Variants in TIAM1 observed in about 807,000 individuals in gnomAD.
The protein encoded by TIAM1 is TIAM Rac1 associated GEF 1.
TIAM1 carries 65 observed loss-of-function variants against 163.5 expected under a neutral mutation model. The ratio of observed to expected loss-of-function variants is 0.40; its 90% confidence interval spans 0.33 to 0.49. The LOEUF (loss-of-function observed/expected upper bound fraction) is 0.49, where lower values mean the gene tolerates loss of function less well. Ranked by LOEUF, TIAM1 falls within the 20% of genes least tolerant of loss-of-function variation. TIAM1 has a pLI of 0.77. For synonymous variants in TIAM1, 833 were observed against 810.1 expected (o/e 1.03, Z -0.48); for missense variants, 1,789 against 2,044.7 (o/e 0.87, Z 2.41).
rs1328892871 is a variant in TIAM1 at position 31,395,716 on chromosome 21, C to A, written c.-368-56294G>T. ...TCTTGGGGAGGGGGCGCATGCGTTC[C>A]CCTGGCTGTCGCGTGAAAATTTTTG... On this transcript the variant is annotated intron_variant, in intron 2 of 28. Coordinates refer to the TIAM1 transcript ENST00000286827. This position sits in a 1 kb window ranked among gnomAD's most constrained non-coding sequence, Gnocchi z 7.5. 6.6e-6 allele frequency among the ~76,000 whole-genome samples: 1 copy of A among 152,024 alleles called. No individual in the cohort carries two copies. Among genetic ancestry groups the A allele is most frequent in the Non-Finnish European group, 1.5e-5 (1 of 68,006 alleles).
At chr21:31,152,574 C>T (rs1035254744) in intron 19 of TIAM1, 62 bp downstream of exon 19, 51 of 1,597,482 alleles carry the variant, frequency 3.2e-5, no homozygotes, top group Middle Eastern at 3.4e-4. Context: ...TCAACACGAT[C>T]AGGGGATTCA....
chr21:31,362,268 G>A (rs1216111111), intron 2 of TIAM1, among the ~76,000 whole-genome samples: 5 of 151,964 alleles, frequency 3.3e-5, no homozygotes, highest in Non-Finnish European at 5.9e-5. Flanking sequence ...TCTCTCTGGT[G>A]TCACTGGACT....
At chr21:31,497,989 G>A (rs2046722007) in intron 1 of TIAM1, among the ~76,000 whole-genome samples, 2 of 152,194 alleles carry the variant, frequency 1.3e-5, no homozygotes, top group Admixed American at 6.5e-5. Context: ...AGCTGATATT[G>A]CTGGTTCTGT....
At chr21:31,548,738 C>T (rs1485562426) in intron 1 of TIAM1, among the ~76,000 whole-genome samples, 2 of 151,990 alleles carry the variant, frequency 1.3e-5, no homozygotes, top group African/African-American at 4.8e-5. Context: ...ATCCACCCAC[C>T]TCAGCCTCCC....
intron 1 of TIAM1, among the ~76,000 whole-genome samples, chr21:31,549,315 C>T (rs1003215671): frequency 1.3e-5 from 2 of 152,122 alleles, no homozygotes; most frequent in African/African-American, 4.8e-5. Context: ...ACTAAGTAAA[C>T]ATTTTTTATT....
chr21:31,410,987 G>A (rs1011876219), intron 2 of TIAM1, among the ~76,000 whole-genome samples: 12 of 152,174 alleles, frequency 7.9e-5, no homozygotes, highest in African/African-American at 2.2e-4. Context: ...GTTACATCAC[G>A]GCCACAAGGC....
chr21:31,154,968 C>A (rs1409742168), intron 16 of TIAM1, among the ~76,000 whole-genome samples: 2 of 152,218 alleles, frequency 1.3e-5, no homozygotes, highest in Admixed American at 6.5e-5. Context: ...AAAATGGACA[C>A]TGAGTCAACT....
At chr21:31,496,862 T>TG (rs2046676290) in intron 1 of TIAM1, among the ~76,000 whole-genome samples, 1 of 151,118 alleles carries the variant, frequency 6.6e-6, no homozygotes, top group African/African-American at 2.4e-5. Context: ...TGGACTGGGG[T>TG]GGGGGGTCGG....
chr21:31,331,750 T>C (rs1265302983), intron 2 of TIAM1, among the ~76,000 whole-genome samples: 1 of 152,202 alleles, frequency 6.6e-6, no homozygotes, highest in Non-Finnish European at 1.5e-5. Context: ...GAAAGAGGGC[T>C]GGCAAGGAAG....
chr21:31,226,013 C>G, intron 6 of TIAM1, 63 bp from the exon 7 acceptor site: 1 of 1,461,996 alleles, frequency 6.8e-7, no homozygotes, highest in Non-Finnish European at 9.4e-7. Flanking sequence ...AGAAATGAAC[C>G]GGAGCATTTC....
rs1310019250 is a variant in TIAM1 at position 31,154,421 on chromosome 21, T to C, written c.2997A>G (p.Thr999=). ...SDETDHSSKS[T]EQVAAFCRSL... ...TGCGGCAAAATGCGGCCACCTGTTC[T>C]GTACTCTTCGGAGCACAGGGGGGAA... The change falls in exon 17 of 28, where the codon ACA becomes ACG. Residue 999 remains threonine (T), a synonymous_variant. Coordinates refer to ENST00000541036, the MANE Select transcript of TIAM1 (RefSeq NM_001353694.2). The C allele has an allele frequency of 2.5e-6, 4 of 1,613,450 alleles. No individual in the cohort carries two copies. The African/African-American group carries it at 5.3e-5, about 22-fold the overall frequency.
At chr21:31,489,787 G>C (rs931476441) in intron 1 of TIAM1, among the ~76,000 whole-genome samples, 1 of 152,142 alleles carries the variant, frequency 6.6e-6, no homozygotes, top group Non-Finnish European at 1.5e-5. Context: ...GAGAGCCCTG[G>C]AGGGGAAGGT....
At chr21:31,301,632 G>A (rs2074504151) in intron 2 of TIAM1, among the ~76,000 whole-genome samples, 1 of 152,128 alleles carries the variant, frequency 6.6e-6, no homozygotes, top group Non-Finnish European at 1.5e-5. Context: ...CTGAGGTCAG[G>A]AGTTCGAGAC....
intron 2 of TIAM1, among the ~76,000 whole-genome samples, chr21:31,404,970 TA>T (rs776581329): frequency 0.041 from 6,218 of 152,118 alleles, 158 homozygotes; most frequent in South Asian, 0.11. Context: ...AGGCCAGGCA[TA>T]GTGGGCATGC....
rs547009724 is a variant in TIAM1 at position 31,177,456 on chromosome 21, A to C, written c.2887+4965T>G. Among the ~76,000 whole-genome samples, 12 of 152,236 alleles carry C rather than the reference A, an allele frequency of 7.9e-5. No individual in the cohort carries two copies. The East Asian group carries it at 2.3e-3, about 29-fold the overall frequency. ...ACCCTGTCTCTACTAAAAATACAAA[A>C]TTTAGCCGGGCGTGGTGGCGGATGC... On this transcript the variant is annotated intron_variant, in intron 15 of 27. Transcript: ENST00000541036.
intron 4 of TIAM1, among the ~76,000 whole-genome samples, chr21:31,252,981 A>G (rs1457818493): frequency 6.6e-6 from 1 of 152,220 alleles, no homozygotes; most frequent in African/African-American, 2.4e-5. Flanking sequence ...AACTGCCAAG[A>G]TACTGAGGGT....
chr21:31,136,754 T>C (rs2082637723), intron 22 of TIAM1, among the ~76,000 whole-genome samples: 1 of 152,200 alleles, frequency 6.6e-6, no homozygotes, highest in African/African-American at 2.4e-5. Context: ...CCCAAGGAGA[T>C]GCTAATGGCC....
intron 2 of TIAM1, among the ~76,000 whole-genome samples, chr21:31,410,201 TGTGA>T (rs200327577): frequency 9.1e-4 from 129 of 141,940 alleles, no homozygotes; most frequent in East Asian, 4.0e-3. Context: ...AAACAGTGAT[TGTGA>T]GTGTGTGTGA....
In TIAM1 at chr21:31,266,032, C is replaced by G. The variant is rs747786015; in HGVS notation, c.941G>C (p.Gly314Ala). ...TACCTGAGTTGTTTTAGCTCTTCTG[C>G]CTTGCATGCTGTTGCTATGGCTAAT... ...PQISHSNSMQGRRAKTTQDVN... is the reference protein window; with the variant it reads ...PQISHSNSMQARRAKTTQDVN... Residue 314 changes from glycine (G) to alanine (A), a missense_variant, in exon 4 of 28, where the codon GGC (glycine) becomes GCC (alanine). Around this residue, in one of 5 missense-constraint regions of TIAM1, gnomAD observed 555 missense variants for 564.9 expected, o/e 0.98. Coordinates refer to ENST00000541036, the MANE Select transcript of TIAM1 (RefSeq NM_001353694.2). 3.7e-6 allele frequency: 6 copies of G among 1,614,088 alleles called. No homozygotes were observed. The South Asian group carries it at 5.5e-5, about 15-fold the overall frequency.
Sources: gnomAD v4.1 joint callset for allele counts (sites outside exome capture counted in the v4.1 genomes callset) on GRCh38, gnomAD v4.1.1 for gene constraint, gnomAD v4.1.1 regional missense constraint, Gnocchi (gnomAD v3.1) non-coding constraint, MANE v1.5 for transcripts, NCBI Gene and HGNC (gene_info 2026-07-23, HGNC 2026-07-21) for gene names.